The following SCAPER variants were observed in gnomAD, a reference collection of about 807,000 sequenced individuals.
SCAPER encodes S phase cyclin A-associated protein in the endoplasmic reticulum.
In SCAPER, 98 loss-of-function variants were observed where a neutral mutation model predicts 182.2. The observed-to-expected ratio is 0.54, with a 90% CI of 0.46 to 0.64. The LOEUF is 0.64. SCAPER is among the 30% of genes least tolerant of loss of function. The probability of loss-of-function intolerance (pLI) is 0.00; values close to 1 mark genes in which losing one functional copy is unlikely to be tolerated. For synonymous variants in SCAPER, 605 were observed against 564.6 expected (o/e 1.07, Z -1.01); for missense variants, 1,432 against 1,690.0 (o/e 0.85, Z 2.68).
intron 22 of SCAPER, among the ~76,000 whole-genome samples, chr15:76,620,553 G>A (rs192867613): frequency 1.3e-5 from 2 of 152,236 alleles, no homozygotes; most frequent in Admixed American, 1.3e-4. Flanking sequence ...AATAAAAGTA[G>A]TAAGCTGACT....
intron 5 of SCAPER, among the ~76,000 whole-genome samples, chr15:76,831,254 G>C (rs1793056109): frequency 6.6e-6 from 1 of 152,092 alleles, no homozygotes; most frequent in East Asian, 1.9e-4. Context: ...GCAGTACAGG[G>C]CCAGTCTGAT....
chr15:76,494,889 T>C (rs1244080248), intron 24 of SCAPER, among the ~76,000 whole-genome samples: 1 of 152,170 alleles, frequency 6.6e-6, no homozygotes, highest in Non-Finnish European at 1.5e-5. Flanking sequence ...GATGATAGCA[T>C]GCAGGCAATA....
chr15:76,572,852 C>G (rs937361263), intron 23 of SCAPER, among the ~76,000 whole-genome samples: 2 of 151,426 alleles, frequency 1.3e-5, no homozygotes, highest in African/African-American at 4.9e-5. Flanking sequence ...TACTTTGATA[C>G]AAGAATGAGC....
chr15:76,355,982 C>T (rs534600073), intron 29 of SCAPER, among the ~76,000 whole-genome samples: 1 of 152,314 alleles, frequency 6.6e-6, no homozygotes, highest in African/African-American at 2.4e-5. Context: ...GGAGCTTTAC[C>T]CATTGGACCA....
chr15:76,748,606 A>C (rs1316398690), intron 15 of SCAPER, among the ~76,000 whole-genome samples: 1 of 151,452 alleles, frequency 6.6e-6, no homozygotes, highest in Non-Finnish European at 1.5e-5. Flanking sequence ...AAGTTTCATA[A>C]GGATCTAGTA....
At chr15:76,730,432 G>T (rs1294563794) in intron 16 of SCAPER, among the ~76,000 whole-genome samples, 1 of 151,942 alleles carries the variant, frequency 6.6e-6, no homozygotes, top group African/African-American at 2.4e-5. Context: ...TTTACTGTCT[G>T]AGCATACTAT....
intron 24 of SCAPER, among the ~76,000 whole-genome samples, chr15:76,488,603 G>A (rs927084265): frequency 2.6e-5 from 4 of 151,244 alleles, no homozygotes; most frequent in African/African-American, 9.7e-5. Context: ...CAACGTATCT[G>A]CAGTCATTTG....
At chr15:76,891,187 T>C (rs2074143038) in intron 1 of SCAPER, among the ~76,000 whole-genome samples, 1 of 152,182 alleles carries the variant, frequency 6.6e-6, no homozygotes, top group Non-Finnish European at 1.5e-5. Context: ...ATAACAGCTA[T>C]TTATGACAAA....
intron 24 of SCAPER, among the ~76,000 whole-genome samples, chr15:76,474,828 GC>G (rs2143006268): frequency 6.6e-6 from 1 of 152,240 alleles, no homozygotes; most frequent in East Asian, 1.9e-4. Context: ...CACAGTGCTT[GC>G]CAAATTTTTT....
chr15:76,636,435 A>C (rs945815473), intron 21 of SCAPER, among the ~76,000 whole-genome samples: 3 of 151,522 alleles, frequency 2.0e-5, no homozygotes, highest in Non-Finnish European at 4.4e-5. Flanking sequence ...GGAAATAGTG[A>C]CTAAGTACAT....
intron 16 of SCAPER, among the ~76,000 whole-genome samples, chr15:76,732,926 T>G (rs1371316782): frequency 6.6e-6 from 1 of 152,184 alleles, no homozygotes; most frequent in African/African-American, 2.4e-5. Context: ...TCCTGTCCAG[T>G]GGACATGTGA....
intron 17 of SCAPER, among the ~76,000 whole-genome samples, chr15:76,708,498 G>T (rs2059390750): frequency 6.6e-6 from 1 of 151,720 alleles, no homozygotes; most frequent in African/African-American, 2.4e-5. Context: ...AAAGAAAAAA[G>T]ATTAAATACA....
chr15:76,858,029 G>A, intron 3 of SCAPER, 150 bp from the exon 4 acceptor site: 1 of 559,928 alleles, frequency 1.8e-6, no homozygotes, highest in African/African-American at 1.9e-5. Flanking sequence ...CCACAGTATA[G>A]TACAGTCTGT....
chr15:76,766,410 G>C (rs1003471200), intron 11 of SCAPER, among the ~76,000 whole-genome samples: 4 of 152,018 alleles, frequency 2.6e-5, no homozygotes, highest in Non-Finnish European at 5.9e-5. Flanking sequence ...TTTGTTAATA[G>C]AATACAAAAG....
At chr15:76,783,439 A>C (rs1598712168) in intron 8 of SCAPER, among the ~76,000 whole-genome samples, 1 of 152,304 alleles carries the variant, frequency 6.6e-6, no homozygotes, top group South Asian at 2.1e-4. Context: ...TTCACAGCCA[A>C]CTTCTACCAG....
chr15:76,584,817 G>A (rs1188639786), intron 22 of SCAPER, among the ~76,000 whole-genome samples: 1 of 152,100 alleles, frequency 6.6e-6, no homozygotes, highest in Non-Finnish European at 1.5e-5. Context: ...CTCCCAAAGT[G>A]CTGGAATTAC....
At chr15:76,647,613 A>G (rs1043315677) in intron 21 of SCAPER, among the ~76,000 whole-genome samples, 3 of 152,210 alleles carry the variant, frequency 2.0e-5, no homozygotes, top group African/African-American at 7.2e-5. Flanking sequence ...ATGTATGCAG[A>G]GAAGGTCTAC....
chr15:76,669,525 T>A (rs1173691275), intron 20 of SCAPER, among the ~76,000 whole-genome samples: 1 of 152,204 alleles, frequency 6.6e-6, no homozygotes, highest in Non-Finnish European at 1.5e-5. Flanking sequence ...TACTACCATT[T>A]ATTGAACACT....
intron 14 of SCAPER, among the ~76,000 whole-genome samples, 178 bp from the exon 15 acceptor site, chr15:76,754,126 T>C (rs183288780): frequency 2.6e-5 from 4 of 152,172 alleles, no homozygotes; most frequent in Admixed American, 2.0e-4. Context: ...ATAATCTACA[T>C]TGGCCACTTA....
Sources: allele counts gnomAD v4.1 joint callset (sites outside exome capture counted in the v4.1 genomes callset), GRCh38; gene constraint gnomAD v4.1.1; transcripts MANE v1.5; gene names NCBI Gene and HGNC (gene_info 2026-07-23, HGNC 2026-07-21).